The following CCDC170 variants were observed in gnomAD, a reference collection of about 807,000 sequenced individuals.
CCDC170 encodes coiled-coil domain-containing protein 170.
Under a neutral mutation model 72.6 loss-of-function variants are expected in CCDC170, and 69 were observed. That is an observed-to-expected ratio of 0.95 (90% CI 0.78 to 1.16). CCDC170 has a LOEUF of 1.16. Among genes scored for constraint, CCDC170 ranks in the 50% most tolerant of loss-of-function variants. The pLI, the probability that CCDC170 is intolerant of heterozygous loss-of-function variation, is 0.00. For missense variants in CCDC170, 852 were observed against 832.5 expected (o/e 1.02, Z -0.29); for synonymous variants, 300 against 303.9 (o/e 0.99, Z 0.13).
At chr6:151,565,694 G>A (rs1776124079) in intron 5 of CCDC170, among the ~76,000 whole-genome samples, 1 of 152,094 alleles carries the variant, frequency 6.6e-6, no homozygotes, top group Admixed American at 6.5e-5. Flanking sequence ...AACTTCTAAT[G>A]TCCCCTAATT....
chr6:151,567,767 T>C (rs1583029968), intron 5 of CCDC170, among the ~76,000 whole-genome samples: 1 of 152,100 alleles, frequency 6.6e-6, no homozygotes, highest in Non-Finnish European at 1.5e-5. Flanking sequence ...CACTAGCCAC[T>C]TACCACACAA....
chr6:151,616,962 A>G (rs942527021), intron 10 of CCDC170, among the ~76,000 whole-genome samples: 3 of 152,180 alleles, frequency 2.0e-5, no homozygotes, highest in African/African-American at 7.2e-5. Context: ...TCAACATAAG[A>G]ATTTTGAGGG....
rs59201906 is a variant in CCDC170 at position 151,497,952 on chromosome 6, C to CAAA, written c.57+3788_57+3790dup. Reference sequence around the variant, plus strand: ...GATTGTGCCACTGAACACACCATCTCAAAAAAAAAAAAAAAAAAAAAAAGA... The same window carrying CAAA: ...GATTGTGCCACTGAACACACCATCTCAAAAAAAAAAAAAAAAAAAAAAAAAAGA... On this transcript the variant is annotated intron_variant, in intron 1 of 10. Transcript: ENST00000239374. Among the ~76,000 whole-genome samples, 318 of 57,994 alleles carry CAAA rather than the reference C, an allele frequency of 5.5e-3. 15 individuals carry two copies. The highest frequency in any genetic ancestry group is 0.017 in the African/African-American group (263 of 15,896). 38.0% of individuals were successfully genotyped at this position (57,994 alleles called of 152,430 possible). A position where few individuals can be genotyped will look rare whatever the true frequency, so the allele number is the denominator to read the frequency against.
chr6:151,616,844 G>A (rs756627120), intron 10 of CCDC170, among the ~76,000 whole-genome samples: 1 of 152,002 alleles, frequency 6.6e-6, no homozygotes, highest in Non-Finnish European at 1.5e-5. Flanking sequence ...AGCTCTCCGG[G>A]GCCTCTTTTA....
At chr6:151,538,327 G>C (rs367581274) in intron 3 of CCDC170, 26 bp downstream of exon 3, 1 of 1,589,026 alleles carries the variant, frequency 6.3e-7, no homozygotes, top group African/African-American at 1.3e-5. Flanking sequence ...TATATTTTTC[G>C]CTTTAGCTAG....
intron 5 of CCDC170, among the ~76,000 whole-genome samples, chr6:151,554,963 C>G (rs1418720586): frequency 1.4e-5 from 2 of 143,720 alleles, no homozygotes; most frequent in African/African-American, 5.2e-5. Context: ...ACTGTAACCT[C>G]TGCCTCCTGG....
chr6:151,497,096 T>C (rs1228834428), intron 1 of CCDC170, among the ~76,000 whole-genome samples: 1 of 152,214 alleles, frequency 6.6e-6, no homozygotes, highest in Non-Finnish European at 1.5e-5. Context: ...CAAAAATGAA[T>C]TGGAGATTGA....
rs139370107 is a variant in CCDC170, at chr6:151,601,729, G to A, written c.1710+5152G>A. Among the ~76,000 whole-genome samples the A allele has an allele frequency of 6.3e-3, 963 of 152,268 alleles. 6 individuals carry two copies. Among genetic ancestry groups the A allele is most frequent in the Non-Finnish European group, 0.011 (740 of 68,022 alleles). ...TATTGTAGTAAAAATATGAAGACTG[G>A]CAGATTATCCTTGTGTTGAGGGAAG... On this transcript the variant is annotated intron_variant, in intron 9 of 10. Transcript: ENST00000239374.
intron 7 of CCDC170, among the ~76,000 whole-genome samples, chr6:151,591,217 T>C (rs7768165): frequency 4.0e-5 from 6 of 151,576 alleles, no homozygotes; most frequent in African/African-American, 1.2e-4. Context: ...ATTGCCTGAA[T>C]AAGCCAGATG....
chr6:151,616,969 A>AG (rs1776978014), intron 10 of CCDC170, among the ~76,000 whole-genome samples: 1 of 152,172 alleles, frequency 6.6e-6, no homozygotes, highest in Non-Finnish European at 1.5e-5. Context: ...AAGAATTTTG[A>AG]GGGGTCATAA....
Position 151,544,584 on chromosome 6 carries a change from A to C in CCDC170, c.456A>C (p.Lys152Asn). 6.2e-7 allele frequency: 1 copy of C among 1,612,348 alleles called. No homozygotes were observed. Residue 152 changes from lysine to asparagine, a missense_variant, in exon 4 of 11, where the codon AAA becomes AAC. Lys to Asn is a moderately conservative substitution (Grantham distance 94). Coordinates refer to ENST00000239374, the MANE Select transcript of CCDC170 (RefSeq NM_025059.4). Reference sequence around the variant, plus strand: ...ATTTGCCTAACAGAAAGTGTTCAAAAGAAAATGAGGAGAATAAGAAACAAG... The same window carrying C: ...ATTTGCCTAACAGAAAGTGTTCAAACGAAAATGAGGAGAATAAGAAACAAG... ...ELNEKLQKCS[K>N]ENEENKKQVS...
chr6:151,497,382 A>C (rs1781925503), intron 1 of CCDC170, among the ~76,000 whole-genome samples: 2 of 152,212 alleles, frequency 1.3e-5, no homozygotes, highest in South Asian at 4.1e-4. Flanking sequence ...CCCTGGCTCA[A>C]AAATAAAATA....
At chr6:151,596,166 AG>A (rs1423290266) in intron 8 of CCDC170, among the ~76,000 whole-genome samples, 168 bp from the exon 9 acceptor site, 1 of 152,206 alleles carries the variant, frequency 6.6e-6, no homozygotes, top group Non-Finnish European at 1.5e-5. Flanking sequence ...ATTCTTGGAA[AG>A]GGTATGAGTA....
At chr6:151,548,246 A>G in intron 4 of CCDC170, 58 bp from the exon 5 acceptor site, 1 of 1,410,808 alleles carries the variant, frequency 7.1e-7, no homozygotes, top group Non-Finnish European at 9.4e-7. Flanking sequence ...TGACTTGCTT[A>G]GAGAAAATGA....
intron 1 of CCDC170, among the ~76,000 whole-genome samples, chr6:151,503,995 C>G (rs1782031107): frequency 6.6e-6 from 1 of 152,078 alleles, no homozygotes; most frequent in South Asian, 2.1e-4. Context: ...TATTGTTTCT[C>G]TAAGGAACAT....
At chr6:151,518,720 G>C (rs916263044) in intron 1 of CCDC170, among the ~76,000 whole-genome samples, 2 of 152,200 alleles carry the variant, frequency 1.3e-5, no homozygotes, top group Admixed American at 6.5e-5. Flanking sequence ...GAAATAAAGA[G>C]AAAGAGTACA....
At chr6:151,588,240 G>A (rs1233147506) in intron 7 of CCDC170, among the ~76,000 whole-genome samples, 1 of 152,140 alleles carries the variant, frequency 6.6e-6, no homozygotes, top group African/African-American at 2.4e-5. Flanking sequence ...GGCCACATTG[G>A]AAGAAGAAGA....
intron 9 of CCDC170, among the ~76,000 whole-genome samples, chr6:151,615,194 G>T (rs1363271192): frequency 6.6e-6 from 1 of 152,146 alleles, no homozygotes; most frequent in African/African-American, 2.4e-5. Flanking sequence ...GAATTATGCT[G>T]TCTACAGTTT....
At chr6:151,544,821 C>T (rs1782747377) in intron 4 of CCDC170, 105 bp downstream of exon 4, 3 of 1,072,608 alleles carry the variant, frequency 2.8e-6, no homozygotes, top group Admixed American at 2.1e-5. Flanking sequence ...GAGAATGGCA[C>T]AGTAGACCAA....
Sources: allele counts gnomAD v4.1 joint callset (sites outside exome capture counted in the v4.1 genomes callset), GRCh38; gene constraint gnomAD v4.1.1; transcripts MANE v1.5; gene names NCBI Gene and HGNC (gene_info 2026-07-23, HGNC 2026-07-21).